The following RIC1 variants were observed in gnomAD, a reference collection of about 807,000 sequenced individuals.
RIC1 encodes guanine nucleotide exchange factor subunit RIC1.
Under a neutral mutation model 169.0 loss-of-function variants are expected in RIC1, and 88 were observed. The ratio of observed to expected loss-of-function variants is 0.52; its 90% CI spans 0.44 to 0.62. RIC1 has a LOEUF of 0.62. RIC1 is among the 20% of genes least tolerant of loss of function. The probability of loss-of-function intolerance (pLI) is 0.00; values close to 1 mark genes in which losing one functional copy is unlikely to be tolerated. For synonymous variants in RIC1, 790 were observed against 601.5 expected (o/e 1.31, Z -4.59); for missense variants, 1,877 against 1,725.5 (o/e 1.09, Z -1.56).
Position 5,740,197 on chromosome 9 carries a change from G to A in RIC1, c.901+1659G>A, listed in dbSNP as rs116468418. 8.8e-3 allele frequency among the ~76,000 whole-genome samples: 1,338 copies of A among 152,184 alleles called. 21 individuals are homozygous for A. The highest frequency in any genetic ancestry group is 0.03 in the African/African-American group (1,238 of 41,516). ...TGTATAGAGTCACTAAACTCCTTGC[G>A]TCTCACAAGCAATGAATCAGGAGTG... On this transcript the variant is annotated intron_variant, in intron 8 of 25. Coordinates refer to ENST00000414202, the MANE Select transcript of RIC1 (RefSeq NM_020829.4).
At chr9:5,716,921 C>T (rs534829609) in intron 4 of RIC1, among the ~76,000 whole-genome samples, 3 of 152,220 alleles carry the variant, frequency 2.0e-5, no homozygotes, top group African/African-American at 7.2e-5. Context: ...TTCCTCCTGC[C>T]TCAGCCTCCT....
At chr9:5,756,495 A>G (rs1354485803) in intron 16 of RIC1, 123 bp downstream of exon 16, 2 of 499,126 alleles carry the variant, frequency 4.0e-6, no homozygotes, top group African/African-American at 2.9e-5. Context: ...TGTTAGAGGT[A>G]AAAAAAGCAA....
intron 1 of RIC1, among the ~76,000 whole-genome samples, chr9:5,652,684 AC>A (rs34607686): frequency 0.29 from 44,373 of 151,204 alleles, 7,700 homozygotes; most frequent in East Asian, 0.59. Flanking sequence ...TAATTTGGAT[AC>A]TTTTTATTCT....
At chr9:5,767,479 C>CTT (rs34146140) in intron 21 of RIC1, among the ~76,000 whole-genome samples, 2,012 of 145,146 alleles carry the variant, frequency 0.014, 37 homozygotes, top group African/African-American at 0.043. Flanking sequence ...TTCATATTCT[C>CTT]TTTTTTTTTT....
chr9:5,708,185 C>T (rs535545970), intron 3 of RIC1, among the ~76,000 whole-genome samples: 16 of 152,222 alleles, frequency 1.1e-4, no homozygotes, highest in Non-Finnish European at 2.2e-4. Context: ...CCGTACATCT[C>T]CCTCTCTCCC....
At chr9:5,653,442 CTT>C (rs1192347541) in intron 1 of RIC1, among the ~76,000 whole-genome samples, 3 of 152,100 alleles carry the variant, frequency 2.0e-5, no homozygotes, top group Non-Finnish European at 4.4e-5. Context: ...TTTAGAGTGA[CTT>C]TGTTGATAGC....
chr9:5,767,659 C>T (rs902014615), intron 21 of RIC1, among the ~76,000 whole-genome samples: 1 of 152,188 alleles, frequency 6.6e-6, no homozygotes, highest in African/African-American at 2.4e-5. Context: ...TTGATCTCGG[C>T]TCATCGCAAT....
chr9:5,733,151 T>A (rs942807034), intron 7 of RIC1, among the ~76,000 whole-genome samples: 4 of 151,852 alleles, frequency 2.6e-5, no homozygotes, highest in African/African-American at 9.7e-5. Flanking sequence ...CTAAACTCTT[T>A]CTTAAATAAA....
intron 1 of RIC1, among the ~76,000 whole-genome samples, chr9:5,651,819 C>T (rs888278950): frequency 1.2e-4 from 18 of 152,062 alleles, no homozygotes; most frequent in Admixed American, 3.3e-4. Flanking sequence ...CTGCCCACCT[C>T]GGCCTCCCAA....
chr9:5,760,583 T>A (rs1019487397), intron 17 of RIC1, among the ~76,000 whole-genome samples: 9 of 152,130 alleles, frequency 5.9e-5, no homozygotes, highest in African/African-American at 2.2e-4. Context: ...TTGCTGCAGG[T>A]GTTTGTCTTT....
intron 3 of RIC1, among the ~76,000 whole-genome samples, chr9:5,698,209 A>G (rs1034244347): frequency 2.8e-4 from 42 of 152,288 alleles, no homozygotes; most frequent in African/African-American, 9.6e-4. Flanking sequence ...TTTCTGTATC[A>G]CCTGATCTAG....
At chr9:5,682,500 G>T (rs959150759) in intron 2 of RIC1, among the ~76,000 whole-genome samples, 2 of 152,058 alleles carry the variant, frequency 1.3e-5, no homozygotes, top group African/African-American at 2.4e-5. Flanking sequence ...ACTCTCTTCT[G>T]GCTTGTCGAG....
At chr9:5,635,759 C>T (rs573476954) in intron 1 of RIC1, among the ~76,000 whole-genome samples, 4 of 152,278 alleles carry the variant, frequency 2.6e-5, no homozygotes, top group South Asian at 2.1e-4. Flanking sequence ...TAAGTTCTCA[C>T]GAGATCTGAT....
chr9:5,777,157 G>C (rs577938788), downstream of RIC1, among the ~76,000 whole-genome samples: 1 of 151,952 alleles, frequency 6.6e-6, no homozygotes, highest in Admixed American at 6.6e-5. Flanking sequence ...GTCTATTTTT[G>C]AAGAAAAATG....
chr9:5,716,661 A>T (rs1281987082), intron 4 of RIC1, among the ~76,000 whole-genome samples: 1 of 152,242 alleles, frequency 6.6e-6, no homozygotes, highest in Non-Finnish European at 1.5e-5. Flanking sequence ...ATGGGTTATT[A>T]GTTATCGAAC....
chr9:5,630,305 C>T (rs545248579), intron 1 of RIC1, among the ~76,000 whole-genome samples: 6 of 152,282 alleles, frequency 3.9e-5, no homozygotes, highest in South Asian at 2.1e-4. Flanking sequence ...TCTATGAGAA[C>T]GACAGAGTTC....
chr9:5,743,445 G>C (rs954744017), intron 9 of RIC1, among the ~76,000 whole-genome samples: 1 of 152,140 alleles, frequency 6.6e-6, no homozygotes, highest in Non-Finnish European at 1.5e-5. Flanking sequence ...CCTCAGTTCT[G>C]ATGAAATGAG....
intron 3 of RIC1, among the ~76,000 whole-genome samples, chr9:5,703,865 T>C (rs1822394395): frequency 6.6e-6 from 1 of 152,204 alleles, no homozygotes; most frequent in East Asian, 1.9e-4. Context: ...TCATGTACAA[T>C]TTGTATTTGA....
Position 5,647,568 on chromosome 9 carries a change from G to C in RIC1, c.145-9015G>C, listed in dbSNP as rs574425684. Among the ~76,000 whole-genome samples the C allele has an allele frequency of 5.3e-5, 8 of 152,046 alleles. 1 individual carries two copies. The South Asian group carries it at 1.7e-3, about 32-fold the overall frequency. ...AGTACTTTATTCTTTTTGATGTTAC[G>C]GTTTGCTGATTTTTCTGTGTTGATT... is the stretch of plus-strand genomic sequence containing the variant. On this transcript the variant is annotated intron_variant, in intron 1 of 25. Transcript: ENST00000414202.
Sources: allele counts gnomAD v4.1 joint callset (sites outside exome capture counted in the v4.1 genomes callset), GRCh38; gene constraint gnomAD v4.1.1; transcripts MANE v1.5; gene names NCBI Gene and HGNC (gene_info 2026-07-23, HGNC 2026-07-21).